Variants in CSMD1 observed in about 807,000 individuals in gnomAD.
The protein encoded by CSMD1 is CUB and sushi domain-containing protein 1.
CSMD1 carries 213 observed loss-of-function variants against 417.5 expected under a neutral mutation model. The ratio of observed to expected loss-of-function variants is 0.51; its 90% CI spans 0.46 to 0.57. The LOEUF (loss-of-function observed/expected upper bound fraction) is 0.57, where lower values mean the gene tolerates loss of function less well. Ranked by LOEUF, CSMD1 falls within the 20% of genes least tolerant of loss-of-function variation. The pLI is 0.00. For missense variants in CSMD1, 6,923 were observed against 4,529.7 expected, an observed-to-expected ratio of 1.53 and a Z score of -15.17; for synonymous variants, 2,862 against 1,736.8, an observed-to-expected ratio of 1.65 and a Z score of -16.11.
At chr8:4,751,061 T>C (rs1279766639) in intron 1 of CSMD1, among the ~76,000 whole-genome samples, 3 of 152,174 alleles carry the variant, frequency 2.0e-5, no homozygotes, top group Non-Finnish European at 4.4e-5. Flanking sequence ...TCACACCAGG[T>C]AAAGTTTGAT....
At chr8:2,962,339 T>C (rs1416593216) in intron 61 of CSMD1, 127 bp downstream of exon 61, 4 of 804,136 alleles carry the variant, frequency 5.0e-6, no homozygotes, top group African/African-American at 3.5e-5. Flanking sequence ...GCAAAAATTA[T>C]TACCTTGTAC....
At chr8:3,202,142 T>C (rs575832709) in intron 31 of CSMD1, among the ~76,000 whole-genome samples, 8 of 152,260 alleles carry the variant, frequency 5.3e-5, no homozygotes, top group Non-Finnish European at 1.0e-4. Flanking sequence ...CACTCCAGCC[T>C]GGGCGACAGA....
At chr8:3,291,634 C>G (rs1052166240) in intron 25 of CSMD1, among the ~76,000 whole-genome samples, 5 of 152,166 alleles carry the variant, frequency 3.3e-5, no homozygotes, top group Admixed American at 6.5e-5. Flanking sequence ...ATAGTATTCT[C>G]TGATGGTAGT....
chr8:3,976,399 T>G (rs1813439023), intron 5 of CSMD1, among the ~76,000 whole-genome samples: 1 of 152,226 alleles, frequency 6.6e-6, no homozygotes, highest in South Asian at 2.1e-4. Context: ...AAGTTGCTGC[T>G]TCTTCTACTA....
At chr8:4,434,505 C>A (rs1035009264) in intron 2 of CSMD1, among the ~76,000 whole-genome samples, 4 of 152,112 alleles carry the variant, frequency 2.6e-5, no homozygotes, top group African/African-American at 9.7e-5. Flanking sequence ...AAAAAGAAAA[C>A]CCAGCAAAAT....
rs551705109 is a variant in CSMD1, at chr8:4,047,028, T to A, written c.416-14929A>T. 1.6e-4 allele frequency among the ~76,000 whole-genome samples: 24 copies of A among 152,158 alleles called. 1 individual carries two copies. The highest frequency in any genetic ancestry group is 8.5e-4 in the Admixed American group (13 of 15,280). ...GACTTAGCCCTATAGGGTTGTGACA[T>A]AGAGGGAACACCTGGAGTCCAAATG... On this transcript the variant is annotated intron_variant, in intron 3 of 69. Coordinates refer to ENST00000635120, the MANE Select transcript of CSMD1 (RefSeq NM_033225.6).
intron 18 of CSMD1, among the ~76,000 whole-genome samples, chr8:3,383,146 G>C (rs534093682): frequency 1.3e-5 from 2 of 152,246 alleles, no homozygotes; most frequent in Admixed American, 6.6e-5. Flanking sequence ...AAATTTAAAA[G>C]ATAAACATAA....
At chr8:4,456,369 G>A (rs1482138079) in intron 2 of CSMD1, among the ~76,000 whole-genome samples, 1 of 152,144 alleles carries the variant, frequency 6.6e-6, no homozygotes, top group Non-Finnish European at 1.5e-5. Context: ...TACTGTATCT[G>A]TCACTAATCA....
At chr8:4,815,276 C>A (rs1371214308) in intron 1 of CSMD1, among the ~76,000 whole-genome samples, 1 of 152,000 alleles carries the variant, frequency 6.6e-6, no homozygotes, top group African/African-American at 2.4e-5. Context: ...GGCTTCAAAC[C>A]AATCTGCATT....
At chr8:4,906,122 G>C (rs150301402) in intron 1 of CSMD1, among the ~76,000 whole-genome samples, 78 of 152,250 alleles carry the variant, frequency 5.1e-4, no homozygotes, top group African/African-American at 1.8e-3. Flanking sequence ...ATATATGGTA[G>C]GTTTCTAGAT....
Position 3,347,924 on chromosome 8 carries a change from AATAG to A in CSMD1, c.3474+64_3474+67del, listed in dbSNP as rs996552966. ...ATGTGCATATATCTATATGTAGAAA[AATAG>A]ATAGACAATGTATTTTTTGAGAAGA... On this transcript the variant is annotated intron_variant, in intron 22 of 69. Coordinates refer to ENST00000635120, the MANE Select transcript of CSMD1 (RefSeq NM_033225.6). The A allele has an allele frequency of 3.5e-5, 38 of 1,099,440 alleles. No individual in the cohort carries two copies. The African/African-American group carries it at 4.3e-4, about 13-fold the overall frequency. The allele number at this position is 1,099,440 out of a possible 1,614,324, so 68.1% of individuals were successfully genotyped here.
intron 41 of CSMD1, among the ~76,000 whole-genome samples, chr8:3,129,709 C>A (rs1477461780): frequency 6.6e-6 from 1 of 151,812 alleles, no homozygotes; most frequent in African/African-American, 2.4e-5. Flanking sequence ...TGGAGCTGGG[C>A]CGGGCGGGGT....
chr8:3,629,947 T>C (rs1348230782), intron 7 of CSMD1, among the ~76,000 whole-genome samples: 1 of 152,212 alleles, frequency 6.6e-6, no homozygotes, highest in African/African-American at 2.4e-5. Context: ...TTGCCTACAG[T>C]CTTATTGAAT....
rs1819173837 is a variant in CSMD1, at chr8:3,151,206, G to T, written c.6031+191C>A. 9 of 515,988 alleles carry T rather than the reference G, an allele frequency of 1.7e-5. 1 individual carries two copies. In the South Asian group the frequency reaches 2.4e-4, roughly 14 times the overall value. The allele number at this position is 515,988 out of a possible 1,614,324, so 32.0% of individuals were successfully genotyped here. Reference sequence around the variant, plus strand: ...AATTTGCCTTGAAAAGAGTTGCATGGCTTAATTGATTTTTCAAATAAGTTT... The same window carrying T: ...AATTTGCCTTGAAAAGAGTTGCATGTCTTAATTGATTTTTCAAATAAGTTT... On this transcript the variant is annotated intron_variant, in intron 40 of 69. Transcript: ENST00000635120.
At chr8:3,476,049 A>T (rs1045828960) in intron 11 of CSMD1, among the ~76,000 whole-genome samples, 11 of 152,240 alleles carry the variant, frequency 7.2e-5, no homozygotes, top group Non-Finnish European at 1.6e-4. Context: ...TACGTGAAAT[A>T]CATGTGTTAA....
intron 5 of CSMD1, among the ~76,000 whole-genome samples, chr8:3,825,277 C>G (rs1390297436): frequency 1.3e-5 from 2 of 152,156 alleles, no homozygotes; most frequent in Non-Finnish European, 2.9e-5. Context: ...CGCCTGTAAT[C>G]TCAGCACTTT....
intron 1 of CSMD1, among the ~76,000 whole-genome samples, chr8:4,848,979 G>C (rs1801310108): frequency 1.3e-5 from 2 of 152,178 alleles, no homozygotes; most frequent in African/African-American, 2.4e-5. Flanking sequence ...CCTCAGGCAG[G>C]TCCTTCAGGA....
chr8:3,704,152 C>A (rs916663310), intron 7 of CSMD1, among the ~76,000 whole-genome samples: 5 of 152,198 alleles, frequency 3.3e-5, no homozygotes, highest in East Asian at 3.9e-4. Context: ...AAGAAAAAAA[C>A]CAGTCAGTTA....
intron 10 of CSMD1, among the ~76,000 whole-genome samples, chr8:3,537,347 A>G (rs1798246604): frequency 6.6e-6 from 1 of 152,152 alleles, no homozygotes; most frequent in African/African-American, 2.4e-5. Flanking sequence ...CACCTGTATG[A>G]GTTTTTATTG....
Sources: gnomAD v4.1 joint callset for allele counts (sites outside exome capture counted in the v4.1 genomes callset) on GRCh38, gnomAD v4.1.1 for gene constraint, MANE v1.5 for transcripts, NCBI Gene and HGNC (gene_info 2026-07-23, HGNC 2026-07-21) for gene names.